The following RNF150 variants were observed in gnomAD, a reference collection of about 807,000 sequenced individuals.
RNF150 encodes the protein ring finger protein 150.
RNF150 carries 24 observed loss-of-function variants against 39.3 expected under a neutral mutation model. That is an observed-to-expected ratio of 0.61 (90% CI 0.44 to 0.86). The LOEUF (loss-of-function observed/expected upper bound fraction) is 0.86, where lower values mean the gene tolerates loss of function less well. RNF150 is among the 40% of genes least tolerant of loss of function. The pLI is 0.00. For synonymous variants in RNF150, 255 were observed against 227.3 expected (o/e 1.12, Z -1.10); for missense variants, 502 against 587.8 (o/e 0.85, Z 1.51).
chr4:141,093,164 A>T (rs1344086438), intron 1 of RNF150, among the ~76,000 whole-genome samples: 1 of 152,184 alleles, frequency 6.6e-6, no homozygotes, highest in South Asian at 2.1e-4. Context: ...CAGGAGATCA[A>T]GACCATCCTG....
At chr4:141,155,972 T>C (rs1727389029) in intron 1 of RNF150, among the ~76,000 whole-genome samples, 1 of 151,300 alleles carries the variant, frequency 6.6e-6, no homozygotes, top group Non-Finnish European at 1.5e-5. Flanking sequence ...GAGCCTGACC[T>C]TCCATCCCAT....
chr4:140,920,325 TCAAA>T (rs1352074565), intron 5 of RNF150, among the ~76,000 whole-genome samples: 9 of 116,344 alleles, frequency 7.7e-5, no homozygotes, highest in South Asian at 3.5e-4. Flanking sequence ...TACAATGAAC[TCAAA>T]CAAATTTACA....
At chr4:140,894,287 T>A (rs1258045356) in intron 6 of RNF150, among the ~76,000 whole-genome samples, 1 of 152,248 alleles carries the variant, frequency 6.6e-6, no homozygotes, top group African/African-American at 2.4e-5. Context: ...AATAGCTGTG[T>A]TTAATTAATG....
At chr4:140,903,212 C>G (rs945547955) in intron 6 of RNF150, among the ~76,000 whole-genome samples, 4 of 152,196 alleles carry the variant, frequency 2.6e-5, no homozygotes, top group African/African-American at 9.7e-5. Flanking sequence ...TTTCCTGCCT[C>G]TGGCTAGTGG....
chr4:141,009,666 T>C (rs1344793286), intron 1 of RNF150, among the ~76,000 whole-genome samples: 1 of 152,232 alleles, frequency 6.6e-6, no homozygotes, highest in East Asian at 1.9e-4. Context: ...GTCTACTTAA[T>C]TCAAATTGCA....
At chr4:140,918,672 C>G (rs1730959735) in intron 5 of RNF150, among the ~76,000 whole-genome samples, 1 of 151,842 alleles carries the variant, frequency 6.6e-6, no homozygotes, top group Non-Finnish European at 1.5e-5. Context: ...GAAATCCTCC[C>G]TAACTCATTT....
intron 1 of RNF150, among the ~76,000 whole-genome samples, chr4:141,044,769 G>GCACACA (rs1491269687): frequency 9.0e-5 from 7 of 77,532 alleles, no homozygotes; most frequent in Non-Finnish European, 2.0e-4. Flanking sequence ...CGGGTGTGCA[G>GCACACA]CGCACACACA....
Position 141,180,209 on chromosome 4 carries a change from C to T in RNF150, c.-6+32585G>A, listed in dbSNP as rs757237710. Among the ~76,000 whole-genome samples, 7 of 152,170 alleles carry T rather than the reference C, an allele frequency of 4.6e-5. No individual in the cohort carries two copies. In the South Asian group the frequency reaches 8.3e-4, roughly 18 times the overall value. The stretch of plus-strand genomic sequence containing the variant: ...TCTCTGATTCTCATGGTTCTTCCCA[C>T]GTGGCTGTTGGAGCACAAGCAGTTC... On this transcript the variant is annotated intron_variant, in intron 1 of 7. Transcript: ENST00000420921.
At chr4:141,170,392 G>A (rs897902147) in intron 1 of RNF150, among the ~76,000 whole-genome samples, 4 of 152,112 alleles carry the variant, frequency 2.6e-5, no homozygotes, top group African/African-American at 9.7e-5. Flanking sequence ...ATGTTTGAAT[G>A]GCTGAAGGTT....
At chr4:140,912,797 T>A (rs932876706) in intron 5 of RNF150, among the ~76,000 whole-genome samples, 2 of 152,152 alleles carry the variant, frequency 1.3e-5, no homozygotes, top group Admixed American at 6.5e-5. Flanking sequence ...CTGTCAAAAG[T>A]CGATTCATAG....
At chr4:141,117,616 T>C (rs1726460655) in intron 1 of RNF150, among the ~76,000 whole-genome samples, 1 of 152,248 alleles carries the variant, frequency 6.6e-6, no homozygotes. Context: ...AATTGCCTGA[T>C]GATACATTTC....
chr4:141,057,419 G>T (rs1737024692), intron 1 of RNF150, among the ~76,000 whole-genome samples: 1 of 151,964 alleles, frequency 6.6e-6, no homozygotes, highest in Non-Finnish European at 1.5e-5. Flanking sequence ...AAAAAATTAA[G>T]TTTTTGGTGT....
intron 1 of RNF150, among the ~76,000 whole-genome samples, chr4:141,163,914 T>A (rs961317040): frequency 3.7e-4 from 56 of 152,010 alleles, no homozygotes; most frequent in African/African-American, 1.3e-3. Flanking sequence ...GGATCACAAC[T>A]CCTCGACAGC....
chr4:141,059,548 T>TG, intron 1 of RNF150, among the ~76,000 whole-genome samples: 1 of 152,290 alleles, frequency 6.6e-6, no homozygotes, highest in East Asian at 1.9e-4. Context: ...TTCATCCAGT[T>TG]GCAATTCTCT....
At chr4:141,111,346 GCTCTAAAATCTTTCCCTTCAGTAAAAGT>G (rs1304527730) in intron 1 of RNF150, among the ~76,000 whole-genome samples, 1 of 152,140 alleles carries the variant, frequency 6.6e-6, no homozygotes, top group Admixed American at 6.6e-5. Flanking sequence ...AACTTGGTTA[GCTCTAAAATCTTTCCCTTCAGTAAAAGT>G]CTCATTTTAT....
chr4:140,976,926 T>C (rs1180215002), intron 1 of RNF150, among the ~76,000 whole-genome samples: 1 of 152,090 alleles, frequency 6.6e-6, no homozygotes, highest in Non-Finnish European at 1.5e-5. Flanking sequence ...TGCTTTCCTC[T>C]ATTTTGGACT....
intron 1 of RNF150, among the ~76,000 whole-genome samples, chr4:141,074,102 T>C (rs910997239): frequency 5.3e-5 from 8 of 152,176 alleles, no homozygotes; most frequent in Admixed American, 1.3e-4. Flanking sequence ...AATGTAATTA[T>C]GAATCTTGAA....
At chr4:141,030,626 A>C (rs1735908172) in intron 1 of RNF150, among the ~76,000 whole-genome samples, 1 of 152,222 alleles carries the variant, frequency 6.6e-6, no homozygotes, top group Non-Finnish European at 1.5e-5. Flanking sequence ...AGCCTTAAAA[A>C]TGAAGGAAAT....
At chr4:140,997,496 C>A (rs1289365405) in intron 1 of RNF150, among the ~76,000 whole-genome samples, 1 of 151,994 alleles carries the variant, frequency 6.6e-6, no homozygotes, top group Admixed American at 6.6e-5. Flanking sequence ...GTGGCATATG[C>A]CTGTGTCATT....
Sources: allele counts gnomAD v4.1 joint callset (sites outside exome capture counted in the v4.1 genomes callset), GRCh38; gene constraint gnomAD v4.1.1; transcripts MANE v1.5; gene names NCBI Gene and HGNC (gene_info 2026-07-23, HGNC 2026-07-21).